HS6ST2: variants seen among roughly 807,000 people sequenced by gnomAD.
The protein encoded by HS6ST2 is heparan sulfate 6-O-sulfotransferase 2.
In HS6ST2, 17 loss-of-function variants were observed where a neutral mutation model predicts 33.0. The observed-to-expected ratio is 0.52, with a 90% confidence interval of 0.35 to 0.77. HS6ST2 has a LOEUF of 0.77. HS6ST2 is among the 30% of genes least tolerant of loss of function. HS6ST2 has a pLI of 0.01. For missense variants in HS6ST2, 519 were observed against 551.7 expected (o/e 0.94, Z 0.59); for synonymous variants, 248 against 237.1 (o/e 1.05, Z -0.42).
intron 2 of HS6ST2, among the ~76,000 whole-genome samples, chrX:132,827,226 G>C (rs1262103540): frequency 1.8e-5 from 2 of 111,332 alleles, no homozygotes; most frequent in African/African-American, 3.3e-5. Context: ...CCCCATCTTT[G>C]TCACAGCATT....
intron 2 of HS6ST2, among the ~76,000 whole-genome samples, chrX:132,790,860 G>A (rs1295188077): frequency 8.9e-6 from 1 of 112,117 alleles, no homozygotes; most frequent in Admixed American, 9.5e-5. Flanking sequence ...ACCCTCTTCA[G>A]GCTGGGTGTG....
At position 132,805,459 on chromosome X, in the gene HS6ST2, A is replaced by G. The variant is rs755111980; in HGVS notation, c.948-96965T>C. On this transcript the variant is annotated intron_variant, in intron 2 of 4. Coordinates refer to ENST00000370833, the MANE Select transcript of HS6ST2 (RefSeq NM_001394073.1). Reference sequence around the variant, plus strand: ...TCCCCCATCCCCCTTGGGGCAAACCAGTCTCTGACCCCTCTCACCAGCAGC... The same window carrying G: ...TCCCCCATCCCCCTTGGGGCAAACCGGTCTCTGACCCCTCTCACCAGCAGC... Among the ~76,000 whole-genome samples the G allele has an allele frequency of 4.8e-5, 5 of 103,902 alleles. 1 individual carries two copies. In the South Asian group the frequency reaches 2.0e-3, roughly 41 times the overall value. The allele number at this position is 103,902 out of a possible 115,157, so 90.2% of individuals were successfully genotyped here.
At position 132,888,417 on chromosome X, in the gene HS6ST2, C is replaced by T. The variant is rs761035388; in HGVS notation, c.947+68391G>A. Among the ~76,000 whole-genome samples, 11 of 111,540 alleles carry T rather than the reference C, an allele frequency of 9.9e-5. No individual in the cohort carries two copies. The South Asian group carries it at 1.1e-3, about 11-fold the overall frequency. On this transcript the variant is annotated intron_variant, in intron 2 of 4. Transcript: ENST00000370833. ...GTCACAAGAACAGCACAAGAAATACCCGCCCCCATGATTCAATTATCTCCC... is the reference window on the plus strand; with the variant it reads ...GTCACAAGAACAGCACAAGAAATACTCGCCCCCATGATTCAATTATCTCCC...
intron 2 of HS6ST2, among the ~76,000 whole-genome samples, chrX:132,777,009 G>A (rs1366665634): frequency 9.4e-6 from 1 of 106,555 alleles, no homozygotes; most frequent in Non-Finnish European, 1.9e-5. Context: ...AGTAGGAGGC[G>A]ATTTTGCATC....
chrX:132,819,701 T>C (rs781172747), intron 2 of HS6ST2, among the ~76,000 whole-genome samples: 45 of 112,009 alleles, frequency 4.0e-4, no homozygotes, highest in Non-Finnish European at 7.5e-4. Flanking sequence ...GAATTGCAGT[T>C]GTCATGCTCC....
rs147372405 is a variant in HS6ST2 at position 132,946,732 on chromosome X, G to A, written c.947+10076C>T. Among the ~76,000 whole-genome samples, 662 of 111,810 alleles carry A rather than the reference G, an allele frequency of 5.9e-3. 4 individuals carry two copies. The highest frequency in any genetic ancestry group is 0.02 in the African/African-American group (630 of 30,801). On this transcript the variant is annotated intron_variant, in intron 2 of 4. Coordinates refer to ENST00000370833, the MANE Select transcript of HS6ST2 (RefSeq NM_001394073.1). ...GTATACATATGTAATAAACCTGCAC[G>A]TTGTGCACATGTACCCTAGAACTTA... is the stretch of plus-strand genomic sequence containing the variant.
intron 2 of HS6ST2, among the ~76,000 whole-genome samples, chrX:132,946,985 A>G (rs2066964077): frequency 9.0e-6 from 1 of 111,631 alleles, no homozygotes; most frequent in South Asian, 3.8e-4. Context: ...GATTGGTAAT[A>G]CTTACAAATA....
intron 2 of HS6ST2, among the ~76,000 whole-genome samples, chrX:132,877,701 C>T (rs182847946): frequency 1.8e-5 from 2 of 111,306 alleles, no homozygotes; most frequent in East Asian, 5.7e-4. Flanking sequence ...GGATCGAATC[C>T]AAACTGTGTA....
At chrX:132,680,654 G>A (rs5977731) in intron 3 of HS6ST2, among the ~76,000 whole-genome samples, 14,700 of 110,464 alleles carry the variant, frequency 0.13, 845 homozygotes, top group East Asian at 0.27. Context: ...GGGATCAAAG[G>A]AGAAACTAGA....
chrX:132,870,477 AG>A (rs2066046905), intron 2 of HS6ST2, among the ~76,000 whole-genome samples: 1 of 111,853 alleles, frequency 8.9e-6, no homozygotes, highest in Admixed American at 9.5e-5. Flanking sequence ...CTAAGCAAAA[AG>A]AACAAAGCTG....
intron 4 of HS6ST2, among the ~76,000 whole-genome samples, chrX:132,656,294 T>C (rs1356173643): frequency 9.0e-6 from 1 of 111,109 alleles, no homozygotes; most frequent in Non-Finnish European, 1.9e-5. Context: ...GATTGTCCAA[T>C]AGCCAGAACT....
intron 2 of HS6ST2, among the ~76,000 whole-genome samples, chrX:132,862,979 T>C (rs1202752582): frequency 3.6e-5 from 4 of 112,282 alleles, no homozygotes; most frequent in Non-Finnish European, 7.5e-5. Flanking sequence ...TTCACCTGTC[T>C]GATCAAGGTG....
intron 2 of HS6ST2, among the ~76,000 whole-genome samples, chrX:132,845,485 G>A (rs1354978028): frequency 9.0e-6 from 1 of 111,237 alleles, no homozygotes; most frequent in East Asian, 2.8e-4. Context: ...AAAGCTTTGG[G>A]AAAGGTCTCC....
chrX:132,720,427 C>T (rs1316446033), intron 2 of HS6ST2, among the ~76,000 whole-genome samples: 2 of 111,023 alleles, frequency 1.8e-5, no homozygotes, highest in Non-Finnish European at 3.8e-5. Context: ...CTTTAAGCTA[C>T]TCTGCCCCTA....
In HS6ST2 at chrX:132,811,307, T is replaced by C. The variant is rs757591003; in HGVS notation, c.948-102813A>G. On this transcript the variant is annotated intron_variant, in intron 2 of 4. Coordinates refer to ENST00000370833, the MANE Select transcript of HS6ST2 (RefSeq NM_001394073.1). ...TTACGAACAACCCAGGAGACCCCAGTCAAGCTAAAATGGTGGCTCTAGAAA... is the reference window on the plus strand; with the variant it reads ...TTACGAACAACCCAGGAGACCCCAGCCAAGCTAAAATGGTGGCTCTAGAAA... Among the ~76,000 whole-genome samples the C allele has an allele frequency of 3.6e-5, 4 of 110,829 alleles. No individual in the cohort carries two copies. The South Asian group carries it at 1.6e-3, about 44-fold the overall frequency.
chrX:132,897,165 G>A (rs2066384047), intron 2 of HS6ST2, among the ~76,000 whole-genome samples: 1 of 110,623 alleles, frequency 9.0e-6, no homozygotes, highest in African/African-American at 3.3e-5. Context: ...TCTATCAGAA[G>A]GTGGAACATT....
chrX:132,837,722 C>T (rs1052887742), intron 2 of HS6ST2, among the ~76,000 whole-genome samples: 19 of 111,837 alleles, frequency 1.7e-4, no homozygotes, highest in Non-Finnish European at 3.6e-4. Context: ...CAAATTGTTC[C>T]GCACACTTCT....
intron 2 of HS6ST2, among the ~76,000 whole-genome samples, chrX:132,955,511 G>A (rs933031896): frequency 8.9e-6 from 1 of 111,905 alleles, no homozygotes; most frequent in African/African-American, 3.3e-5. Flanking sequence ...TGGTTGTTGC[G>A]TTCTAACAGT....
At chrX:132,923,816 C>T (rs1407131166) in intron 2 of HS6ST2, among the ~76,000 whole-genome samples, 2 of 110,694 alleles carry the variant, frequency 1.8e-5, no homozygotes, top group African/African-American at 6.6e-5. Flanking sequence ...ACACCACAGG[C>T]CCGCTCCATA....
Sources: allele counts gnomAD v4.1 joint callset (sites outside exome capture counted in the v4.1 genomes callset), GRCh38; gene constraint gnomAD v4.1.1; transcripts MANE v1.5; gene names NCBI Gene and HGNC (gene_info 2026-07-23, HGNC 2026-07-21).